SHANK2: variants seen among roughly 807,000 people sequenced by gnomAD.
The protein encoded by SHANK2 is SH3 and multiple ankyrin repeat domains protein 2.
SHANK2 carries 43 observed loss-of-function variants against 133.7 expected under a neutral mutation model. The observed-to-expected ratio is 0.32, with a 90% confidence interval of 0.25 to 0.41. The LOEUF (loss-of-function observed/expected upper bound fraction) is 0.41, where lower values mean the gene tolerates loss of function less well. SHANK2 is among the 10% of genes least tolerant of loss of function. The probability of loss-of-function intolerance (pLI) is 1.00; values close to 1 mark genes in which losing one functional copy is unlikely to be tolerated. For synonymous variants in SHANK2, 1,017 were observed against 952.8 expected, an observed-to-expected ratio of 1.07 and a Z score of -1.24; for missense variants, 1,994 against 2,235.8, an observed-to-expected ratio of 0.89 and a Z score of 2.18.
intron 9 of SHANK2, among the ~76,000 whole-genome samples, chr11:71,070,609 A>G (rs1257588004): frequency 1.3e-5 from 2 of 152,168 alleles, no homozygotes; most frequent in Non-Finnish European, 2.9e-5. Flanking sequence ...GGGGGAGAGG[A>G]GGAGATGCAG....
intron 17 of SHANK2, among the ~76,000 whole-genome samples, chr11:70,550,851 CAG>C (rs1420077965): frequency 6.6e-6 from 1 of 152,208 alleles, no homozygotes; most frequent in Non-Finnish European, 1.5e-5. Flanking sequence ...AGTCCAGCCT[CAG>C]GGCCTCCATG....
chr11:70,575,938 G>A (rs1363259238), intron 17 of SHANK2, among the ~76,000 whole-genome samples: 3 of 152,012 alleles, frequency 2.0e-5, no homozygotes, highest in African/African-American at 7.3e-5. Context: ...CTGCAGCCTG[G>A]CAGTGTCAGG....
chr11:71,177,265 G>A (rs560299172), intron 2 of SHANK2, among the ~76,000 whole-genome samples: 1 of 152,178 alleles, frequency 6.6e-6, no homozygotes, highest in Admixed American at 6.5e-5. Flanking sequence ...GTAACCATGA[G>A]GCTAAATATG....
At chr11:71,162,646 C>T (rs1294935921) in intron 2 of SHANK2, among the ~76,000 whole-genome samples, 1 of 152,202 alleles carries the variant, frequency 6.6e-6, no homozygotes, top group Non-Finnish European at 1.5e-5. Context: ...TTTATCTAAA[C>T]ACTTTCATAC....
chr11:71,245,982 T>C (rs754496522), intron 1 of SHANK2, among the ~76,000 whole-genome samples: 1 of 151,968 alleles, frequency 6.6e-6, no homozygotes, highest in Non-Finnish European at 1.5e-5. Context: ...GGGACATTTG[T>C]GCGGGGTGGC....
chr11:70,813,714 C>G (rs1347741113), intron 12 of SHANK2, among the ~76,000 whole-genome samples: 12 of 152,114 alleles, frequency 7.9e-5, no homozygotes, highest in Admixed American at 5.9e-4. Context: ...TTACTAAATG[C>G]TATTGGCTGA....
intron 11 of SHANK2, among the ~76,000 whole-genome samples, chr11:70,846,437 GT>G (rs1948998730): frequency 6.6e-6 from 1 of 151,888 alleles, no homozygotes; most frequent in African/African-American, 2.4e-5. Context: ...CTAATTTTTA[GT>G]TTTTCATTTT....
At position 70,893,004 on chromosome 11, in the gene SHANK2, T is replaced by C. The variant is rs575818985; in HGVS notation, c.1174+3497A>G. Among the ~76,000 whole-genome samples, 13 of 152,262 alleles carry C rather than the reference T, an allele frequency of 8.5e-5. 1 individual carries two copies. In the South Asian group the frequency reaches 2.7e-3, roughly 32 times the overall value. On this transcript the variant is annotated intron_variant, in intron 11 of 25. Transcript: ENST00000601538. ...GGTGCTTCCTGTATCTCCTCCACAATAAACAACTTGTCCTCAAATCCTCAC... is the reference window on the plus strand; with the variant it reads ...GGTGCTTCCTGTATCTCCTCCACAACAAACAACTTGTCCTCAAATCCTCAC...
chr11:70,687,076 C>T (rs1945172861), intron 15 of SHANK2, among the ~76,000 whole-genome samples: 1 of 152,226 alleles, frequency 6.6e-6, no homozygotes, highest in Non-Finnish European at 1.5e-5. Flanking sequence ...GTCTAAAGCG[C>T]ATTCATTCAT....
intron 6 of SHANK2, among the ~76,000 whole-genome samples, chr11:71,102,524 T>C (rs1231568113): frequency 6.6e-6 from 1 of 152,162 alleles, no homozygotes; most frequent in African/African-American, 2.4e-5. Context: ...AAAGGCTGCT[T>C]TCAACTCTAA....
At chr11:70,669,658 T>C (rs763151069) in intron 15 of SHANK2, 17 of 152,668 alleles carry the variant, frequency 1.1e-4, no homozygotes, top group Non-Finnish European at 2.1e-4. Context: ...AAAATAAAAT[T>C]CACTGGCTCC....
chr11:70,873,741 ATT>A (rs34001080), intron 11 of SHANK2, among the ~76,000 whole-genome samples: 2,791 of 139,926 alleles, frequency 0.02, 98 homozygotes, highest in African/African-American at 0.069. Context: ...TCCATTTACC[ATT>A]TTTTTTTTTT....
intron 12 of SHANK2, among the ~76,000 whole-genome samples, chr11:70,817,175 C>T (rs781847627): frequency 2.6e-5 from 4 of 152,192 alleles, no homozygotes; most frequent in East Asian, 1.9e-4. Flanking sequence ...CTGGTCGCCT[C>T]GAAGGCAAAT....
intron 18 of SHANK2, 30 bp from the exon 19 acceptor site, chr11:70,502,316 A>G: frequency 6.5e-7 from 1 of 1,540,532 alleles, no homozygotes; most frequent in Non-Finnish European, 8.8e-7. Flanking sequence ...TGGGTGTGAG[A>G]CCCCAGCCCA....
chr11:71,096,380 C>G (rs144724585), intron 6 of SHANK2, among the ~76,000 whole-genome samples: 191 of 152,288 alleles, frequency 1.3e-3, no homozygotes, highest in African/African-American at 4.5e-3. Context: ...CACATGTGCA[C>G]AGAGAGGTGG....
intron 14 of SHANK2, among the ~76,000 whole-genome samples, chr11:70,743,235 T>C (rs1555035162): frequency 6.6e-6 from 1 of 152,236 alleles, no homozygotes; most frequent in African/African-American, 2.4e-5. Flanking sequence ...GCGCTCGAGC[T>C]GCACGTCTGC....
At chr11:71,160,566 T>G (rs1485836153) in intron 2 of SHANK2, among the ~76,000 whole-genome samples, 1 of 152,154 alleles carries the variant, frequency 6.6e-6, no homozygotes, top group Non-Finnish European at 1.5e-5. Context: ...CAGGAAGCAG[T>G]CCCTCAATGG....
chr11:70,675,162 C>T (rs1239879749), intron 15 of SHANK2, among the ~76,000 whole-genome samples: 1 of 152,180 alleles, frequency 6.6e-6, no homozygotes, highest in Non-Finnish European at 1.5e-5. Flanking sequence ...CAAAGAAACA[C>T]CTCTTTACTT....
intron 15 of SHANK2, among the ~76,000 whole-genome samples, chr11:70,677,014 G>A (rs1246936398): frequency 7.2e-5 from 11 of 152,140 alleles, no homozygotes; most frequent in Admixed American, 1.3e-4. Flanking sequence ...CTAATCCCAC[G>A]TATACAGGCA....
Sources: allele counts gnomAD v4.1 joint callset (sites outside exome capture counted in the v4.1 genomes callset), GRCh38; gene constraint gnomAD v4.1.1; transcripts MANE v1.5; gene names NCBI Gene and HGNC (gene_info 2026-07-23, HGNC 2026-07-21).